PLGRKT: variants seen among roughly 807,000 people sequenced by gnomAD.
PLGRKT encodes the protein plasminogen receptor with a C-terminal lysine.
PLGRKT carries 22 observed loss-of-function variants against 18.5 expected under a neutral mutation model. The ratio of observed to expected loss-of-function variants is 1.19; its 90% CI spans 0.85 to 1.70. The LOEUF is 1.70. Ranked by LOEUF, PLGRKT falls within the 40% of genes most tolerant of loss-of-function variation. The pLI is 0.00. For missense variants in PLGRKT, 235 were observed against 174.4 expected, an observed-to-expected ratio of 1.35 and a Z score of -1.96; for synonymous variants, 72 against 52.8, an observed-to-expected ratio of 1.36 and a Z score of -1.58.
At position 5,424,605 on chromosome 9, in the gene PLGRKT, ATAT is replaced by A. The variant is rs1380566500; in HGVS notation, c.81+7289_81+7291del. Among the ~76,000 whole-genome samples the A allele has an allele frequency of 3.0e-5, 4 of 132,670 alleles. No individual in the cohort carries two copies. The Admixed American group carries it at 3.3e-4, about 11-fold the overall frequency. The allele number at this position is 132,670 out of a possible 152,430, so 87.0% of individuals were successfully genotyped here. On this transcript the variant is annotated intron_variant, in intron 3 of 5. Transcript: ENST00000223864. Reference sequence around the variant, plus strand: ...TTATTATATTATACAGTAATATAATATATTATTTATTATATTATATTATATTAA... The same window carrying A: ...TTATTATATTATACAGTAATATAATATATTTATTATATTATATTATATTAA...
At chr9:5,384,916 A>G (rs1015579008) in intron 3 of PLGRKT, among the ~76,000 whole-genome samples, 1 of 152,190 alleles carries the variant, frequency 6.6e-6, no homozygotes, top group Admixed American at 6.5e-5. Flanking sequence ...TAATTTTGAT[A>G]TGTGAATTCA....
intron 3 of PLGRKT, among the ~76,000 whole-genome samples, chr9:5,424,668 T>TA (rs1818654826): frequency 1.8e-5 from 2 of 113,170 alleles, no homozygotes; most frequent in East Asian, 2.3e-4. Flanking sequence ...ATTATATATT[T>TA]TATATATATA....
At chr9:5,361,568 T>C (rs1817265492) in intron 4 of PLGRKT, among the ~76,000 whole-genome samples, 190 bp downstream of exon 4, 1 of 152,228 alleles carries the variant, frequency 6.6e-6, no homozygotes, top group Non-Finnish European at 1.5e-5. Flanking sequence ...AGAAGCAACC[T>C]AGGAAACTAA....
chr9:5,361,962 T>C, intron 3 of PLGRKT, 74 bp from the exon 4 acceptor site: 1 of 1,391,078 alleles, frequency 7.2e-7, no homozygotes, highest in Non-Finnish European at 9.9e-7. Flanking sequence ...AATCTGTTTT[T>C]CCAGCGGATT....
intron 3 of PLGRKT, among the ~76,000 whole-genome samples, chr9:5,383,996 G>A (rs1464689389): frequency 1.3e-5 from 2 of 152,200 alleles, no homozygotes; most frequent in Non-Finnish European, 2.9e-5. Context: ...GTCAGGTGTA[G>A]GCATCCATTT....
chr9:5,380,886 T>C (rs1817729753), intron 3 of PLGRKT, among the ~76,000 whole-genome samples: 3 of 152,128 alleles, frequency 2.0e-5, no homozygotes, highest in African/African-American at 4.8e-5. Flanking sequence ...AGGGAGCTGG[T>C]AGGAGGTGAT....
chr9:5,388,767 C>T (rs1474099930), intron 3 of PLGRKT, among the ~76,000 whole-genome samples: 1 of 152,064 alleles, frequency 6.6e-6, no homozygotes, highest in Non-Finnish European at 1.5e-5. Context: ...CACTTAACCT[C>T]TCTGTGCTTC....
chr9:5,424,473 A>G (rs1818644683), intron 3 of PLGRKT, among the ~76,000 whole-genome samples: 1 of 130,404 alleles, frequency 7.7e-6, no homozygotes, highest in Non-Finnish European at 1.5e-5. Context: ...TATATAACAT[A>G]TTATAAAATA....
chr9:5,391,809 T>G (rs1047810269), intron 3 of PLGRKT, among the ~76,000 whole-genome samples: 2 of 151,930 alleles, frequency 1.3e-5, no homozygotes, highest in South Asian at 4.1e-4. Context: ...TAGTGACTTA[T>G]TAGGTTCTCT....
chr9:5,367,877 TAAAC>T (rs1482386286), intron 3 of PLGRKT, among the ~76,000 whole-genome samples: 1 of 152,008 alleles, frequency 6.6e-6, no homozygotes, highest in African/African-American at 2.4e-5. Flanking sequence ...ATAAGGAACT[TAAAC>T]AACTCAATAA....
At chr9:5,392,857 T>G (rs560301093) in intron 3 of PLGRKT, among the ~76,000 whole-genome samples, 1 of 151,912 alleles carries the variant, frequency 6.6e-6, no homozygotes, top group East Asian at 1.9e-4. Flanking sequence ...ATTATTTATT[T>G]TTGAGACAGA....
At position 5,421,081 on chromosome 9, in the gene PLGRKT, A is replaced by G. The variant is rs535136536; in HGVS notation, c.81+10816T>C. Among the ~76,000 whole-genome samples the G allele has an allele frequency of 5.3e-5, 8 of 152,300 alleles. No homozygotes were observed. In the East Asian group the frequency reaches 1.5e-3, roughly 29 times the overall value. ...TTTAATGGCTTCCCACGTCACTCAG[A>G]ATACATTTCAAAACAGTTGTCCTGG... On this transcript the variant is annotated intron_variant, in intron 3 of 5. Transcript: ENST00000223864.
intron 3 of PLGRKT, among the ~76,000 whole-genome samples, chr9:5,425,152 T>C (rs771688275): frequency 1.8e-4 from 27 of 152,176 alleles, no homozygotes; most frequent in Admixed American, 2.0e-4. Context: ...CATGGACCTA[T>C]AGAATATGTT....
rs533768970 is a variant in PLGRKT, at chr9:5,430,333, G to A, written c.81+1564C>T. ...AAGGTCTTTGACAAGGACGTGCTAA[G>A]CATCGGATAGCTGGCTGATTTGTAA... On this transcript the variant is annotated intron_variant, in intron 3 of 5. Transcript: ENST00000223864. Among the ~76,000 whole-genome samples, 4 of 152,326 alleles carry A rather than the reference G, an allele frequency of 2.6e-5. No individual in the cohort carries two copies. The East Asian group carries it at 7.7e-4, about 29-fold the overall frequency.
At chr9:5,431,040 G>A (rs1460430221) in intron 3 of PLGRKT, among the ~76,000 whole-genome samples, 4 of 152,186 alleles carry the variant, frequency 2.6e-5, no homozygotes, top group African/African-American at 7.2e-5. Flanking sequence ...TTATCTTACA[G>A]TTCTAAGTTC....
At chr9:5,400,713 C>A (rs1177390974) in intron 3 of PLGRKT, among the ~76,000 whole-genome samples, 1 of 151,964 alleles carries the variant, frequency 6.6e-6, no homozygotes, top group Non-Finnish European at 1.5e-5. Context: ...TTGAATAGTA[C>A]AGAGGCTGGC....
intron 3 of PLGRKT, among the ~76,000 whole-genome samples, chr9:5,370,776 A>G (rs1163764167): frequency 6.6e-6 from 1 of 152,224 alleles, no homozygotes; most frequent in Non-Finnish European, 1.5e-5. Flanking sequence ...TCAGGTAAAA[A>G]CAAAACATAA....
intron 3 of PLGRKT, among the ~76,000 whole-genome samples, chr9:5,390,380 T>C (rs914652305): frequency 2.2e-4 from 33 of 151,596 alleles, no homozygotes; most frequent in African/African-American, 7.3e-4. Flanking sequence ...GTTTCAAAAT[T>C]TGAAAGATCA....
rs184953270 is a variant in PLGRKT, at chr9:5,383,234, C to T, written c.82-21346G>A. On this transcript the variant is annotated intron_variant, in intron 3 of 5. Coordinates refer to ENST00000223864, the MANE Select transcript of PLGRKT (RefSeq NM_018465.4). ...AAGAAGGATTCTCCCCTAGAGCCTT[C>T]AGAGAGACGGTGGGCTTGCTGACAC... 1.2e-4 allele frequency among the ~76,000 whole-genome samples: 19 copies of T among 152,290 alleles called. No individual in the cohort carries two copies. The South Asian group carries it at 1.4e-3, about 12-fold the overall frequency.
Sources: gnomAD v4.1 joint callset for allele counts (sites outside exome capture counted in the v4.1 genomes callset) on GRCh38, gnomAD v4.1.1 for gene constraint, MANE v1.5 for transcripts, NCBI Gene and HGNC (gene_info 2026-07-23, HGNC 2026-07-21) for gene names.